Variants in NTM observed in about 807,000 individuals in gnomAD.
The protein encoded by NTM is IgLON family member 2.
NTM carries 13 observed loss-of-function variants against 42.1 expected under a neutral mutation model. That is an observed-to-expected ratio of 0.31 (90% confidence interval 0.20 to 0.49). The LOEUF (loss-of-function observed/expected upper bound fraction) is 0.49. Among genes scored for constraint, NTM ranks in the 20% least tolerant of loss-of-function variants. The pLI is 0.99. For missense variants in NTM, 373 were observed against 452.8 expected, an observed-to-expected ratio of 0.82 and a Z score of 1.60; for synonymous variants, 187 against 179.2, an observed-to-expected ratio of 1.04 and a Z score of -0.35.
At chr11:131,399,104 T>C (rs967745281) in intron 1 of NTM, among the ~76,000 whole-genome samples, 1 of 152,184 alleles carries the variant, frequency 6.6e-6, no homozygotes, top group African/African-American at 2.4e-5. Context: ...CATGTGCATA[T>C]GGACCCTAAA....
intron 1 of NTM, among the ~76,000 whole-genome samples, chr11:131,524,411 A>G (rs2050180454): frequency 1.3e-5 from 2 of 152,210 alleles, no homozygotes; most frequent in Admixed American, 1.3e-4. Context: ...ATAGCAAGGC[A>G]CCAAGCCCAG....
intron 1 of NTM, among the ~76,000 whole-genome samples, chr11:131,461,912 A>T (rs1951420126): frequency 6.6e-6 from 1 of 152,234 alleles, no homozygotes; most frequent in Non-Finnish European, 1.5e-5. Context: ...CTTTATCTGA[A>T]ATCCCAGCAA....
chr11:132,058,816 G>A (rs988205055), intron 2 of NTM, among the ~76,000 whole-genome samples: 14 of 152,186 alleles, frequency 9.2e-5, no homozygotes, highest in Admixed American at 9.2e-4. Flanking sequence ...TTTGAACCTT[G>A]TTGTAGATGC....
At chr11:131,853,435 C>A (rs1338514903) in intron 1 of NTM, among the ~76,000 whole-genome samples, 2 of 152,090 alleles carry the variant, frequency 1.3e-5, no homozygotes, top group Non-Finnish European at 2.9e-5. Flanking sequence ...TGTTGTTTCC[C>A]CCTGTGTGTC....
chr11:131,792,495 C>T (rs930020159), intron 1 of NTM, among the ~76,000 whole-genome samples: 4 of 152,178 alleles, frequency 2.6e-5, no homozygotes, highest in African/African-American at 9.7e-5. Flanking sequence ...CCACTCTACA[C>T]CTTGGGTGTT....
At position 132,043,958 on chromosome 11, in the gene NTM, A is replaced by G. The variant is rs79431171; in HGVS notation, c.168-102324A>G. Among the ~76,000 whole-genome samples, 1,043 of 146,400 alleles carry G rather than the reference A, an allele frequency of 7.1e-3. 9 individuals are homozygous for G. The highest frequency in any genetic ancestry group is 0.024 in the African/African-American group (974 of 39,828). ...CATTTTAAGAAGACAGACACCAACT[A>G]TGTGTGTGTGTGTGTGTGTGTGTGT... On this transcript the variant is annotated intron_variant, in intron 2 of 8. Coordinates refer to ENST00000683400, the MANE Select transcript of NTM (RefSeq NM_001352005.2).
At chr11:132,100,514 T>C (rs886821187) in intron 2 of NTM, among the ~76,000 whole-genome samples, 6 of 152,210 alleles carry the variant, frequency 3.9e-5, no homozygotes, top group African/African-American at 1.4e-4. Context: ...AATTACCAGC[T>C]ATAGAACTGG....
chr11:131,766,848 G>A (rs2085194819), intron 1 of NTM, among the ~76,000 whole-genome samples: 1 of 152,042 alleles, frequency 6.6e-6, no homozygotes, highest in Non-Finnish European at 1.5e-5. Flanking sequence ...GTGAGTAACG[G>A]GGCCCGTAAA....
chr11:131,450,024 T>A (rs765423239), intron 1 of NTM, among the ~76,000 whole-genome samples: 10 of 152,224 alleles, frequency 6.6e-5, no homozygotes, highest in Non-Finnish European at 1.3e-4. Context: ...GTTACCTCCA[T>A]GAAACTGCTG....
intron 4 of NTM, among the ~76,000 whole-genome samples, chr11:132,266,178 C>CT (rs955175732): frequency 1.4e-4 from 21 of 152,290 alleles, no homozygotes; most frequent in African/African-American, 5.1e-4. Flanking sequence ...TCAGGACAGT[C>CT]TTTTGTGGGA....
intron 2 of NTM, among the ~76,000 whole-genome samples, chr11:131,936,947 C>G (rs1422112134): frequency 6.6e-6 from 1 of 152,186 alleles, no homozygotes; most frequent in African/African-American, 2.4e-5. Flanking sequence ...CATATTCAAG[C>G]AAACTGCTTA....
At chr11:131,503,874 T>C (rs941244960) in intron 1 of NTM, among the ~76,000 whole-genome samples, 2 of 152,176 alleles carry the variant, frequency 1.3e-5, no homozygotes, top group South Asian at 2.1e-4. Flanking sequence ...TCCATTTGGC[T>C]TCTCTATTAG....
intron 1 of NTM, among the ~76,000 whole-genome samples, chr11:131,604,898 CTATT>C (rs2060808712): frequency 1.8e-5 from 1 of 54,628 alleles, no homozygotes; most frequent in Admixed American, 3.0e-4. Flanking sequence ...TTTCTGGACT[CTATT>C]CTATTTCATT....
chr11:131,394,400 G>A (rs2135617756), intron 1 of NTM, among the ~76,000 whole-genome samples: 1 of 152,288 alleles, frequency 6.6e-6, no homozygotes, highest in South Asian at 2.1e-4. Flanking sequence ...CCCCTCACTG[G>A]CTGAGATTGC....
chr11:132,127,149 C>T (rs917452361), intron 2 of NTM, among the ~76,000 whole-genome samples: 4 of 152,156 alleles, frequency 2.6e-5, no homozygotes, highest in African/African-American at 9.7e-5. Flanking sequence ...TGACTCTGCC[C>T]TCTGGTGGAT....
intron 1 of NTM, among the ~76,000 whole-genome samples, chr11:131,427,705 A>G (rs531325265): frequency 1.2e-4 from 18 of 152,324 alleles, no homozygotes; most frequent in South Asian, 2.1e-4. Context: ...TTGCAAATCA[A>G]CTTCCATCAG....
intron 1 of NTM, among the ~76,000 whole-genome samples, chr11:131,568,464 TAGAAA>T (rs1004853075): frequency 1.6e-4 from 25 of 152,320 alleles, no homozygotes; most frequent in Middle Eastern, 3.4e-3. Context: ...GATTCTAGCC[TAGAAA>T]AGAAGAGTGA....
chr11:131,678,218 G>C lies in NTM; in HGVS notation c.83-233346G>C, dbSNP rs11820958. ...CAGGTGCCTGACCATGTGCTGATGA[G>C]GCCCTGGACAGCCTTCTAAGGGCAC... On this transcript the variant is annotated intron_variant, in intron 1 of 8. Transcript: ENST00000683400. Among the ~76,000 whole-genome samples, 81 of 152,334 alleles carry C rather than the reference G, an allele frequency of 5.3e-4. 1 individual carries two copies. The highest frequency in any genetic ancestry group is 1.9e-3 in the African/African-American group (78 of 41,590).
At chr11:131,448,574 C>T (rs539383194) in intron 1 of NTM, among the ~76,000 whole-genome samples, 1 of 152,370 alleles carries the variant, frequency 6.6e-6, no homozygotes, top group Non-Finnish European at 1.5e-5. Flanking sequence ...GCAGAGGCTG[C>T]CTCACTTCCA....
Sources: allele counts gnomAD v4.1 joint callset (sites outside exome capture counted in the v4.1 genomes callset), GRCh38; gene constraint gnomAD v4.1.1; transcripts MANE v1.5; gene names NCBI Gene and HGNC (gene_info 2026-07-23, HGNC 2026-07-21).